The following PNPLA7 variants were observed in gnomAD, a reference collection of about 807,000 sequenced individuals.
PNPLA7 encodes patatin like domain 7, lysophospholipase.
A neutral mutation model predicts 161.7 loss-of-function variants in PNPLA7; 153 were observed. The observed-to-expected ratio is 0.95, with a 90% confidence interval of 0.83 to 1.08. The LOEUF (loss-of-function observed/expected upper bound fraction) is 1.08. Among genes scored for constraint, PNPLA7 ranks in the 50% least tolerant of loss-of-function variants. PNPLA7 has a pLI of 0.00. For missense variants in PNPLA7, 1,739 were observed against 1,856.6 expected, an observed-to-expected ratio of 0.94 and a Z score of 1.16; for synonymous variants, 809 against 782.1, an observed-to-expected ratio of 1.03 and a Z score of -0.57.
chr9:137,460,388 G>A lies in PNPLA7; in HGVS notation c.*5C>T. ...CGCTGCATCCGGGCTCTTTAGCAGA[G>A]GCCTCTACCCGTCCTGGTCAGAGGA... On this transcript the variant is annotated 3_prime_UTR_variant, in exon 35 of 35. Coordinates refer to ENST00000406427, the MANE Select transcript of PNPLA7 (RefSeq NM_001098537.3). 3 of 1,611,650 alleles carry A rather than the reference G, an allele frequency of 1.9e-6. No individual in the cohort carries two copies. The highest frequency in any genetic ancestry group is 2.5e-6 in the Non-Finnish European group (3 of 1,179,186).
chr9:137,547,458 G>A lies in PNPLA7; in HGVS notation c.106-62C>T. The A allele has an allele frequency of 2.5e-6, 4 of 1,600,232 alleles. No homozygotes were observed. Among genetic ancestry groups the A allele is most frequent in the Non-Finnish European group, 3.4e-6 (4 of 1,168,442 alleles). On this transcript the variant is annotated intron_variant, in intron 2 of 34. Coordinates refer to ENST00000406427, the MANE Select transcript of PNPLA7 (RefSeq NM_001098537.3). The surrounding 1 kb of genome is among the most constrained non-coding windows in gnomAD (Gnocchi z 4.6). Reference sequence around the variant, plus strand: ...GCCACAAACCTAACCCTAGCCCTAAGCCTGCCCCCACCCCTGGCTGCCCAA... The same window carrying A: ...GCCACAAACCTAACCCTAGCCCTAAACCTGCCCCCACCCCTGGCTGCCCAA...
At position 137,488,490 on chromosome 9, in the gene PNPLA7, G is replaced by A. The variant is rs141974886; in HGVS notation, c.2198-3754C>T. ...ACCTGTCACCAGTCATGATCAGAGA[G>A]GGACAGAGCTCGAGGCAGCTCTCGC... On this transcript the variant is annotated intron_variant, in intron 20 of 34. Coordinates refer to ENST00000406427, the MANE Select transcript of PNPLA7 (RefSeq NM_001098537.3). Among the ~76,000 whole-genome samples, 19 of 152,364 alleles carry A rather than the reference G, an allele frequency of 1.2e-4. No homozygotes were observed. The East Asian group carries it at 3.7e-3, about 29-fold the overall frequency.
chr9:137,496,315 C>T (rs1398707045), intron 18 of PNPLA7, among the ~76,000 whole-genome samples: 2 of 149,600 alleles, frequency 1.3e-5, no homozygotes, highest in Non-Finnish European at 1.5e-5. Flanking sequence ...TCATGTTGGT[C>T]AGGCTTGTCT....
rs1259245415 is a variant in PNPLA7, at chr9:137,499,187, C to T, written c.1758-942G>A. ...AGACACACGGACACACGGAGACACA[C>T]GGACACAGGCAGACACACAGGCACA... On this transcript the variant is annotated intron_variant, in intron 16 of 34. Transcript: ENST00000406427. This position sits in a 1 kb window ranked among gnomAD's most constrained non-coding sequence, Gnocchi z 5.5. Among the ~76,000 whole-genome samples the T allele has an allele frequency of 6.7e-6, 1 of 150,148 alleles. No individual in the cohort carries two copies. Among genetic ancestry groups the T allele is most frequent in the Admixed American group, 6.6e-5 (1 of 15,048 alleles).
intron 14 of PNPLA7, among the ~76,000 whole-genome samples, chr9:137,503,786 G>GACAAAAGAAGAGAGAAGA (rs374070077): frequency 9.0e-4 from 3 of 3,348 alleles, no homozygotes; most frequent in Non-Finnish European, 9.9e-4. Context: ...AAAGAAAGAA[G>GACAAAAGAAGAGAGAAGA]AGAATGAAGA....
At chr9:137,530,653 G>A (rs923685908) in intron 8 of PNPLA7, among the ~76,000 whole-genome samples, 3 of 152,310 alleles carry the variant, frequency 2.0e-5, no homozygotes, top group African/African-American at 7.2e-5. Flanking sequence ...AGGACAGGCT[G>A]TTGTGGCACT....
intron 11 of PNPLA7, among the ~76,000 whole-genome samples, 174 bp from the exon 12 acceptor site, chr9:137,515,693 G>C (rs2132427508): frequency 6.6e-6 from 1 of 151,512 alleles, no homozygotes; most frequent in East Asian, 2.0e-4. Context: ...CAGCAGGTGA[G>C]TGCAAGCGAG....
At position 137,489,357 on chromosome 9, in the gene PNPLA7, A is replaced by G. The variant is rs536775248; in HGVS notation, c.2197+3656T>C. 4.6e-5 allele frequency among the ~76,000 whole-genome samples: 7 copies of G among 152,328 alleles called. No individual in the cohort carries two copies. In the South Asian group the frequency reaches 1.5e-3, roughly 32 times the overall value. On this transcript the variant is annotated intron_variant, in intron 20 of 34. Transcript: ENST00000406427. ...GGACATGCCCTGTGAATACAAGCAC[A>G]CTAACAGTGAAAATTGAAGACTTAA... is the stretch of plus-strand genomic sequence containing the variant.
At chr9:137,518,463 C>T (rs1834769867) in intron 11 of PNPLA7, among the ~76,000 whole-genome samples, 1 of 67,750 alleles carries the variant, frequency 1.5e-5, no homozygotes, top group African/African-American at 6.0e-5. Flanking sequence ...CTCACTCACT[C>T]CACTCTGCTC....
chr9:137,522,283 C>T (rs1369798919), intron 9 of PNPLA7, among the ~76,000 whole-genome samples: 1 of 149,786 alleles, frequency 6.7e-6, no homozygotes, highest in East Asian at 1.9e-4. Flanking sequence ...ACCGTGTGAG[C>T]CAGGATGGTC....
rs552995304 is a variant in PNPLA7, at chr9:137,500,647, G to C, written c.1757+44C>G. 2.6e-4 allele frequency: 418 copies of C among 1,590,398 alleles called. 4 individuals carry two copies. In the East Asian group the frequency reaches 2.7e-3, roughly 10 times the overall value. On this transcript the variant is annotated intron_variant, in intron 16 of 34. Transcript: ENST00000406427. The surrounding 1 kb of genome is among the most constrained non-coding windows in gnomAD (Gnocchi z 5.5). ...CACGCGGGGAGGGGTCTCAGGGCAG[G>C]GGGGGCTGGGGCCCGCCCTGAGGTC...
At chr9:137,539,094 C>T (rs1402615423) in intron 8 of PNPLA7, among the ~76,000 whole-genome samples, 1 of 151,904 alleles carries the variant, frequency 6.6e-6, no homozygotes, top group Non-Finnish European at 1.5e-5. Context: ...TGGCTCACGC[C>T]TGTAATTCCA....
intron 12 of PNPLA7, among the ~76,000 whole-genome samples, chr9:137,510,058 A>G (rs977578253): frequency 1.3e-5 from 2 of 152,212 alleles, no homozygotes; most frequent in Admixed American, 6.5e-5. Context: ...ATGCCTGGAC[A>G]GGGCCACCAG....
In PNPLA7 at chr9:137,477,301, G is replaced by A. The variant is rs192963833; in HGVS notation, c.2882+733C>T. Among the ~76,000 whole-genome samples, 491 of 152,332 alleles carry A rather than the reference G, an allele frequency of 3.2e-3. 2 individuals carry two copies. Among genetic ancestry groups the A allele is most frequent in the Non-Finnish European group, 5.6e-3 (381 of 68,036 alleles). On this transcript the variant is annotated intron_variant, in intron 25 of 34. Coordinates refer to ENST00000406427, the MANE Select transcript of PNPLA7 (RefSeq NM_001098537.3). ...GACAAGGCAGGGGAGGAGGTATCTGGGTTTAAAGTCCCTGAAGGACTCAGT... is the reference window on the plus strand; with the variant it reads ...GACAAGGCAGGGGAGGAGGTATCTGAGTTTAAAGTCCCTGAAGGACTCAGT...
intron 26 of PNPLA7, among the ~76,000 whole-genome samples, chr9:137,466,559 C>G (rs1004426416): frequency 8.0e-5 from 12 of 150,908 alleles, no homozygotes; most frequent in Non-Finnish European, 1.8e-4. Context: ...ATCTCAGACC[C>G]CGGCACGGAT....
At position 137,501,716 on chromosome 9, in the gene PNPLA7, C is replaced by T. The variant is rs533121955; in HGVS notation, c.1485G>A (p.Leu495=). The T allele has an allele frequency of 1.2e-6, 2 of 1,612,576 alleles. No individual in the cohort carries two copies. Among genetic ancestry groups the T allele is most frequent in the South Asian group, 2.2e-5 (2 of 91,052 alleles). Residue 495 remains leucine, a synonymous_variant, in exon 15 of 35, where the codon CTG becomes CTA. Transcript: ENST00000406427. ...LTLMKLEDSS[L]LDGRVALLHV... ...GCAGAAGCGCCACCCGGCCATCCAACAGAGATGAGTCCTAAAAACAGAGCA... is the reference window on the plus strand; with the variant it reads ...GCAGAAGCGCCACCCGGCCATCCAATAGAGATGAGTCCTAAAAACAGAGCA...
At chr9:137,498,342 C>G in intron 16 of PNPLA7, 97 bp from the exon 17 acceptor site, 1 of 1,530,208 alleles carries the variant, frequency 6.5e-7, no homozygotes, top group South Asian at 1.2e-5. Flanking sequence ...CCACAACCCC[C>G]ACCCCACCCG....
At chr9:137,462,419 C>G (rs1181689140) in intron 30 of PNPLA7, 88 bp from the exon 31 acceptor site, 2 of 1,512,088 alleles carry the variant, frequency 1.3e-6, no homozygotes, top group African/African-American at 2.8e-5. Flanking sequence ...TTCTGGGGAC[C>G]CATCCTCTGG....
At chr9:137,516,710 C>A (rs1424171952) in intron 11 of PNPLA7, 1 of 171,510 alleles carries the variant, frequency 5.8e-6, no homozygotes, top group Non-Finnish European at 1.2e-5. Context: ...CCAAGCTACT[C>A]AGGAGGCTGA....
Sources: gnomAD v4.1 joint callset for allele counts (sites outside exome capture counted in the v4.1 genomes callset) on GRCh38, gnomAD v4.1.1 for gene constraint, Gnocchi (gnomAD v3.1) non-coding constraint, MANE v1.5 for transcripts, NCBI Gene and HGNC (gene_info 2026-07-23, HGNC 2026-07-21) for gene names.